Variants in THSD4 observed in about 807,000 individuals in gnomAD.
The protein encoded by THSD4 is thrombospondin type 1 domain containing 4.
In THSD4, 69 loss-of-function variants were observed where a neutral mutation model predicts 119.0. The observed-to-expected ratio is 0.58, with a 90% CI of 0.48 to 0.71. The LOEUF (loss-of-function observed/expected upper bound fraction) is 0.71. Ranked by LOEUF, THSD4 falls within the 30% of genes least tolerant of loss-of-function variation. The pLI is 0.00. For synonymous variants in THSD4, 524 were observed against 540.4 expected, an observed-to-expected ratio of 0.97 and a Z score of 0.42; for missense variants, 1,393 against 1,391.1, an observed-to-expected ratio of 1.00 and a Z score of -0.02.
chr15:71,755,224 C>T (rs2053517831), intron 14 of THSD4, among the ~76,000 whole-genome samples: 1 of 152,208 alleles, frequency 6.6e-6, no homozygotes, highest in South Asian at 2.1e-4. Context: ...TTCTGATCCC[C>T]TTCAAGCCCT....
At chr15:71,477,435 G>A (rs1335703403) in intron 7 of THSD4, among the ~76,000 whole-genome samples, 1 of 152,204 alleles carries the variant, frequency 6.6e-6, no homozygotes, top group Non-Finnish European at 1.5e-5. Flanking sequence ...TCCCCACCCT[G>A]AAGACAGCTC....
chr15:71,187,843 T>A (rs190422856), intron 3 of THSD4, among the ~76,000 whole-genome samples: 1 of 152,332 alleles, frequency 6.6e-6, no homozygotes, highest in East Asian at 1.9e-4. Context: ...TGAACCTCCA[T>A]CAACAGCGAG....
intron 6 of THSD4, among the ~76,000 whole-genome samples, chr15:71,352,557 A>C (rs2045757544): frequency 6.6e-6 from 1 of 152,236 alleles, no homozygotes; most frequent in Non-Finnish European, 1.5e-5. Flanking sequence ...TAAAGCTTAT[A>C]GACACCCTAG....
chr15:71,738,200 TAG>T, intron 11 of THSD4, 193 bp downstream of exon 11: 1 of 693,166 alleles, frequency 1.4e-6, no homozygotes, highest in Middle Eastern at 3.9e-4. Context: ...CATCAGGCAT[TAG>T]TTAGAGTCTC....
At chr15:71,102,771 G>T (rs1217318395) in intron 1 of THSD4, among the ~76,000 whole-genome samples, 1 of 152,022 alleles carries the variant, frequency 6.6e-6, no homozygotes, top group Non-Finnish European at 1.5e-5. Flanking sequence ...TCACTATGTT[G>T]CCAAGGCTGA....
At chr15:71,499,696 TC>T (rs2048082716) in intron 7 of THSD4, among the ~76,000 whole-genome samples, 3 of 152,288 alleles carry the variant, frequency 2.0e-5, no homozygotes, top group South Asian at 2.1e-4. Flanking sequence ...CATTCTACTC[TC>T]CGTTTCTAAC....
intron 7 of THSD4, among the ~76,000 whole-genome samples, chr15:71,629,875 T>C (rs2050588653): frequency 6.6e-6 from 1 of 152,206 alleles, no homozygotes; most frequent in African/African-American, 2.4e-5. Flanking sequence ...TTCCTCGGGT[T>C]ACTCTGGCTG....
intron 7 of THSD4, among the ~76,000 whole-genome samples, chr15:71,516,589 A>T (rs1039361125): frequency 2.0e-5 from 3 of 152,254 alleles, no homozygotes; most frequent in Non-Finnish European, 4.4e-5. Context: ...TTAATTTTTA[A>T]AATTATTTTC....
intron 7 of THSD4, among the ~76,000 whole-genome samples, chr15:71,445,399 A>G (rs1173100367): frequency 1.3e-5 from 2 of 152,178 alleles, no homozygotes; most frequent in Non-Finnish European, 2.9e-5. Context: ...ACTTACTCAA[A>G]AGATGTTTGT....
intron 6 of THSD4, among the ~76,000 whole-genome samples, chr15:71,275,114 T>A (rs1345170280): frequency 6.6e-6 from 1 of 151,970 alleles, no homozygotes; most frequent in African/African-American, 2.4e-5. Flanking sequence ...GAATAGAGAC[T>A]CACAGGGGTA....
intron 7 of THSD4, among the ~76,000 whole-genome samples, chr15:71,526,894 A>G (rs2048528903): frequency 6.6e-6 from 1 of 152,198 alleles, no homozygotes; most frequent in South Asian, 2.1e-4. Context: ...GGCACAATTT[A>G]TGGTGCCATA....
chr15:71,702,146 C>T (rs2052303071), intron 8 of THSD4, among the ~76,000 whole-genome samples: 1 of 152,118 alleles, frequency 6.6e-6, no homozygotes, highest in Non-Finnish European at 1.5e-5. Context: ...GCTTGCTCTT[C>T]CTGCTGCTCA....
chr15:71,121,959 T>C (rs532099019), intron 1 of THSD4, among the ~76,000 whole-genome samples: 2 of 152,212 alleles, frequency 1.3e-5, no homozygotes, highest in East Asian at 3.9e-4. Context: ...CGCTTGGGAA[T>C]CATGTAGGGG....
At chr15:71,750,278 A>G (rs2053423973) in intron 14 of THSD4, among the ~76,000 whole-genome samples, 1 of 152,194 alleles carries the variant, frequency 6.6e-6, no homozygotes, top group Non-Finnish European at 1.5e-5. Context: ...CATGCCCCAT[A>G]CGGCCACATT....
At chr15:71,489,149 TGAA>T (rs1190245006) in intron 7 of THSD4, among the ~76,000 whole-genome samples, 1 of 152,182 alleles carries the variant, frequency 6.6e-6, no homozygotes, top group Non-Finnish European at 1.5e-5. Flanking sequence ...TATTCTCCTG[TGAA>T]GAAGTATGAC....
At chr15:71,772,417 A>T (rs2053838579) in intron 17 of THSD4, among the ~76,000 whole-genome samples, 2 of 152,198 alleles carry the variant, frequency 1.3e-5, no homozygotes, top group South Asian at 4.1e-4. Context: ...AGTTTATAAG[A>T]TCTATATAGA....
chr15:71,594,630 G>T (rs1329169732), intron 7 of THSD4, among the ~76,000 whole-genome samples: 1 of 152,182 alleles, frequency 6.6e-6, no homozygotes, highest in Admixed American at 6.6e-5. Flanking sequence ...TGGGGTCTCA[G>T]CTGCTTCCCA....
chr15:71,562,929 C>T (rs2049153340), intron 7 of THSD4, among the ~76,000 whole-genome samples: 1 of 152,116 alleles, frequency 6.6e-6, no homozygotes. Context: ...TCTCCAACTC[C>T]TAACCTCAGG....
intron 7 of THSD4, among the ~76,000 whole-genome samples, chr15:71,521,711 T>C (rs1332246174): frequency 6.6e-6 from 1 of 152,202 alleles, no homozygotes; most frequent in African/African-American, 2.4e-5. Flanking sequence ...GTTTGGGGTT[T>C]TTTTTGACTC....
Sources: allele counts gnomAD v4.1 joint callset (sites outside exome capture counted in the v4.1 genomes callset), GRCh38; gene constraint gnomAD v4.1.1; transcripts MANE v1.5; gene names NCBI Gene and HGNC (gene_info 2026-07-23, HGNC 2026-07-21).